The following KALRN variants were observed in gnomAD, a reference collection of about 807,000 sequenced individuals.
KALRN encodes the protein kalirin RhoGEF kinase, also known as kalirin.
In KALRN, 70 loss-of-function variants were observed where a neutral mutation model predicts 353.7. The ratio of observed to expected loss-of-function variants is 0.20; its 90% CI spans 0.16 to 0.24. KALRN has a LOEUF of 0.24. Ranked by LOEUF, KALRN falls within the 10% of genes least tolerant of loss-of-function variation. The pLI, the probability that KALRN is intolerant of heterozygous loss-of-function variation, is 1.00. For synonymous variants in KALRN, 1,391 were observed against 1,434.8 expected (o/e 0.97, Z 0.69); for missense variants, 2,791 against 3,756.7 (o/e 0.74, Z 6.72).
intron 5 of KALRN, among the ~76,000 whole-genome samples, chr3:124,298,083 A>G (rs1329907061): frequency 6.6e-6 from 1 of 152,196 alleles, no homozygotes; most frequent in Non-Finnish European, 1.5e-5. Flanking sequence ...TGGTGTCCCA[A>G]AAAGCCAGGG....
chr3:124,126,513 C>T (rs1174194461), intron 1 of KALRN, among the ~76,000 whole-genome samples: 1 of 152,164 alleles, frequency 6.6e-6, no homozygotes, highest in Non-Finnish European at 1.5e-5. Flanking sequence ...CACTCTTCTC[C>T]TTTGGGGTGA....
intron 1 of KALRN, among the ~76,000 whole-genome samples, chr3:124,213,957 CTTT>C (rs1278608641): frequency 6.6e-6 from 1 of 152,016 alleles, no homozygotes. Context: ...AATTATTAAA[CTTT>C]TTAAGTGTAT....
chr3:124,609,359 T>A (rs745621717), intron 34 of KALRN, among the ~76,000 whole-genome samples: 3 of 152,178 alleles, frequency 2.0e-5, no homozygotes, highest in Admixed American at 6.5e-5. Context: ...GCCACATAAA[T>A]CCCCTCTTCC....
chr3:124,097,303 A>G (rs750811385), intron 1 of KALRN, among the ~76,000 whole-genome samples: 4 of 152,276 alleles, frequency 2.6e-5, no homozygotes, highest in Non-Finnish European at 5.9e-5. Flanking sequence ...AATGAATGAA[A>G]GATGAACCTG....
At position 124,398,829 on chromosome 3, in the gene KALRN, C is replaced by T. The variant is rs780146263; in HGVS notation, c.2304C>T (p.Asp768=). Residue 768 remains aspartate, a synonymous_variant, in exon 13 of 60, where the codon GAC becomes GAT. Coordinates refer to ENST00000682506, the MANE Select transcript of KALRN (RefSeq NM_001388419.1). ...ELFHERKIKL[D]IFLQLRIFEQ... ...TCCACGAGCGGAAGATCAAGCTGGACATCTTCCTGCAACTGCGCATCTTTG... is the reference window on the plus strand; with the variant it reads ...TCCACGAGCGGAAGATCAAGCTGGATATCTTCCTGCAACTGCGCATCTTTG... The T allele has an allele frequency of 8.1e-6, 13 of 1,613,812 alleles. No individual in the cohort carries two copies. In the African/African-American group the frequency reaches 1.2e-4, roughly 15 times the overall value.
At chr3:124,259,238 CCAGA>C (rs2072501623) in intron 3 of KALRN, among the ~76,000 whole-genome samples, 1 of 152,194 alleles carries the variant, frequency 6.6e-6, no homozygotes, top group Non-Finnish European at 1.5e-5. Context: ...CATACCTGTA[CCAGA>C]CAGGCACTTG....
intron 37 of KALRN, among the ~76,000 whole-genome samples, chr3:124,649,778 A>C (rs1234747557): frequency 2.1e-5 from 3 of 144,640 alleles, no homozygotes; most frequent in African/African-American, 7.8e-5. Context: ...ATAGAGTGAG[A>C]CCCTGTCTCA....
chr3:124,588,561 A>C (rs1321681739), intron 34 of KALRN, among the ~76,000 whole-genome samples: 1 of 152,094 alleles, frequency 6.6e-6, no homozygotes, highest in Non-Finnish European at 1.5e-5. Context: ...AATAGCTGGG[A>C]CTACAGGCGT....
intron 33 of KALRN, among the ~76,000 whole-genome samples, chr3:124,557,319 TATG>T (rs1380642938): frequency 6.6e-6 from 1 of 152,218 alleles, no homozygotes; most frequent in Admixed American, 6.5e-5. Flanking sequence ...AAAATGCTAT[TATG>T]AGCATTTTCA....
chr3:124,313,259 G>GCCA (rs1454208090), intron 6 of KALRN, among the ~76,000 whole-genome samples: 1 of 152,112 alleles, frequency 6.6e-6, no homozygotes, highest in African/African-American at 2.4e-5. Context: ...CAGAAGCAAA[G>GCCA]CCACTAAAAA....
chr3:124,393,478 A>G (rs1336941174), intron 11 of KALRN, among the ~76,000 whole-genome samples: 1 of 152,226 alleles, frequency 6.6e-6, no homozygotes, highest in East Asian at 1.9e-4. Flanking sequence ...CATGTATCCC[A>G]GCTTATATGG....
intron 34 of KALRN, among the ~76,000 whole-genome samples, chr3:124,581,562 G>T (rs2074634135): frequency 6.6e-6 from 1 of 152,114 alleles, no homozygotes; most frequent in African/African-American, 2.4e-5. Flanking sequence ...CTCTTGCAAA[G>T]AATTGTGACA....
rs549968466 is a variant in KALRN at position 124,668,640 on chromosome 3, C to G, written c.6703+1457C>G. Reference sequence around the variant, plus strand: ...ACAGAAAGTATTTTTGGGCCAGGCTCCTGGCCCTCAACTGTAAAAAAAATT... The same window carrying G: ...ACAGAAAGTATTTTTGGGCCAGGCTGCTGGCCCTCAACTGTAAAAAAAATT... On this transcript the variant is annotated intron_variant, in intron 47 of 59. Transcript: ENST00000682506. 9.9e-5 allele frequency among the ~76,000 whole-genome samples: 15 copies of G among 152,276 alleles called. No homozygotes were observed. In the East Asian group the frequency reaches 2.9e-3, roughly 29 times the overall value.
intron 1 of KALRN, among the ~76,000 whole-genome samples, chr3:124,036,096 A>G (rs1369382798): frequency 6.6e-6 from 1 of 152,148 alleles, no homozygotes; most frequent in African/African-American, 2.4e-5. Context: ...GTTCAGGGGT[A>G]CATGTATGGG....
chr3:124,152,648 C>T (rs2068328510), intron 1 of KALRN: 1 of 573,226 alleles, frequency 1.7e-6, no homozygotes, highest in East Asian at 2.9e-5. Context: ...GGCTGGAGTG[C>T]AGTGGTGCAA....
At chr3:124,315,698 A>G (rs1580859196) in intron 6 of KALRN, among the ~76,000 whole-genome samples, 1 of 151,020 alleles carries the variant, frequency 6.6e-6, no homozygotes, top group East Asian at 1.9e-4. Flanking sequence ...TATGGCCACT[A>G]CTTGTTCTCC....
intron 1 of KALRN, among the ~76,000 whole-genome samples, chr3:124,167,309 C>T (rs376772712): frequency 3.9e-5 from 6 of 152,182 alleles, no homozygotes; most frequent in East Asian, 3.9e-4. Context: ...TCCCTAGCTT[C>T]GCTCTTACCC....
chr3:124,605,588 G>A (rs993785051), intron 34 of KALRN, among the ~76,000 whole-genome samples: 2 of 139,468 alleles, frequency 1.4e-5, no homozygotes, highest in Non-Finnish European at 1.5e-5. Flanking sequence ...AAAAAAAAAA[G>A]AGAGAGAGAG....
chr3:124,718,637 A>C (rs2063279553), intron 59 of KALRN, among the ~76,000 whole-genome samples: 1 of 152,156 alleles, frequency 6.6e-6, no homozygotes, highest in Non-Finnish European at 1.5e-5. Flanking sequence ...CAAAATGAGT[A>C]ATTTATTATT....
Sources: allele counts gnomAD v4.1 joint callset (sites outside exome capture counted in the v4.1 genomes callset), GRCh38; gene constraint gnomAD v4.1.1; transcripts MANE v1.5; gene names NCBI Gene and HGNC (gene_info 2026-07-23, HGNC 2026-07-21).